The following FAM13A variants were observed in gnomAD, a reference collection of about 807,000 sequenced individuals.
FAM13A encodes family with sequence similarity 13 member A, also known as protein FAM13A.
In FAM13A, 76 loss-of-function variants were observed where a neutral mutation model predicts 129.6. The ratio of observed to expected loss-of-function variants is 0.59; its 90% CI spans 0.49 to 0.71. The LOEUF is 0.71. FAM13A is among the 30% of genes least tolerant of loss of function. The probability of loss-of-function intolerance (pLI) is 0.00; values close to 1 mark genes in which losing one functional copy is unlikely to be tolerated. For missense variants in FAM13A, 1,108 were observed against 1,249.3 expected, an observed-to-expected ratio of 0.89 and a Z score of 1.70; for synonymous variants, 443 against 449.9, an observed-to-expected ratio of 0.98 and a Z score of 0.20.
chr4:88,731,829 G>T, intron 22 of FAM13A, 173 bp downstream of exon 22: 1 of 573,706 alleles, frequency 1.7e-6, no homozygotes, highest in Non-Finnish European at 3.0e-6. Context: ...AAATAACATG[G>T]GCTGAAGCAT....
At chr4:89,032,162 G>A (rs572920287) in intron 1 of FAM13A, among the ~76,000 whole-genome samples, 8 of 152,144 alleles carry the variant, frequency 5.3e-5, no homozygotes, top group South Asian at 4.1e-4. Flanking sequence ...GGAGAATGGC[G>A]TGAACCTGGG....
chr4:88,848,210 A>G lies in FAM13A; in HGVS notation c.1007+2810T>C, dbSNP rs113666693. Among the ~76,000 whole-genome samples, 1,029 of 152,264 alleles carry G rather than the reference A, an allele frequency of 6.8e-3. 7 individuals are homozygous for G. The highest frequency in any genetic ancestry group is 0.024 in the African/African-American group (982 of 41,558). The stretch of plus-strand genomic sequence containing the variant: ...TTATGACCTTCTCTCTCCACCATGC[A>G]GAAGGTGTCCTGCCTAGCACTGTTT... On this transcript the variant is annotated intron_variant, in intron 7 of 23. Transcript: ENST00000264344.
At chr4:88,811,182 A>C (rs140618752) in intron 7 of FAM13A, among the ~76,000 whole-genome samples, 2 of 152,072 alleles carry the variant, frequency 1.3e-5, no homozygotes, top group African/African-American at 4.8e-5. Context: ...AGCAGAGAGA[A>C]AATGGGTCTG....
At chr4:88,930,685 C>A (rs1752894929) in intron 5 of FAM13A, among the ~76,000 whole-genome samples, 1 of 152,202 alleles carries the variant, frequency 6.6e-6, no homozygotes, top group East Asian at 1.9e-4. Flanking sequence ...GTGGCTTTCA[C>A]AGAAGCTAGT....
At chr4:88,910,320 G>A (rs933326591) in intron 5 of FAM13A, among the ~76,000 whole-genome samples, 1 of 152,058 alleles carries the variant, frequency 6.6e-6, no homozygotes, top group African/African-American at 2.4e-5. Flanking sequence ...GAGAACACCA[G>A]TTAAAAATAC....
intron 12 of FAM13A, 62 bp from the exon 13 acceptor site, chr4:88,767,657 A>C (rs1745945268): frequency 8.0e-7 from 1 of 1,246,212 alleles, no homozygotes; most frequent in African/African-American, 1.5e-5. Flanking sequence ...AACGTTTTTC[A>C]TCCACTGATA....
chr4:88,909,016 T>C (rs1232176920), intron 5 of FAM13A, among the ~76,000 whole-genome samples: 5 of 152,236 alleles, frequency 3.3e-5, no homozygotes, highest in African/African-American at 4.8e-5. Flanking sequence ...TTTTAAAATA[T>C]ATATTATGCA....
At chr4:88,826,834 C>T (rs1220990898) in intron 7 of FAM13A, among the ~76,000 whole-genome samples, 1 of 152,168 alleles carries the variant, frequency 6.6e-6, no homozygotes, top group African/African-American at 2.4e-5. Flanking sequence ...TCATTTTCTC[C>T]TTCCTCTGGA....
At position 88,915,938 on chromosome 4, in the gene FAM13A, G is replaced by C. The variant is rs183222968; in HGVS notation, c.760-9476C>G. 7.2e-5 allele frequency among the ~76,000 whole-genome samples: 11 copies of C among 152,156 alleles called. No individual in the cohort carries two copies. In the East Asian group the frequency reaches 2.1e-3, roughly 29 times the overall value. On this transcript the variant is annotated intron_variant, in intron 5 of 23. Coordinates refer to ENST00000264344, the MANE Select transcript of FAM13A (RefSeq NM_014883.4). The stretch of plus-strand genomic sequence containing the variant: ...GCTCCCCTTCCCCTTTCCACCATGA[G>C]TGGAAGCAGCCTGACGCCCTTGCCA...
chr4:88,767,996 T>TC lies in FAM13A; in HGVS notation c.1521dup (p.Met508AspfsTer3). 1 of 1,600,062 alleles carries TC rather than the reference T, an allele frequency of 6.2e-7. No homozygotes were observed. The highest frequency in any genetic ancestry group is 8.6e-7 in the Non-Finnish European group (1 of 1,167,506). ...TTCTAAAATTACCTTTCATCAGACA[T>TC]CCATTCAAAATCATCAGGTCCAGTT... is the stretch of plus-strand genomic sequence containing the variant. On this transcript the variant is annotated frameshift_variant, in exon 12 of 24. Coordinates refer to ENST00000264344, the MANE Select transcript of FAM13A (RefSeq NM_014883.4). LOFTEE classifies it high-confidence loss of function.
chr4:88,811,876 C>A (rs959575676), intron 7 of FAM13A, among the ~76,000 whole-genome samples: 7 of 152,120 alleles, frequency 4.6e-5, no homozygotes, highest in African/African-American at 1.7e-4. Flanking sequence ...AAACTTAATT[C>A]CCAATGAAAC....
At chr4:88,752,234 T>C (rs1462854602) in intron 14 of FAM13A, among the ~76,000 whole-genome samples, 2 of 152,152 alleles carry the variant, frequency 1.3e-5, no homozygotes, top group Non-Finnish European at 2.9e-5. Flanking sequence ...TTGAGAACGA[T>C]TGATCCAACC....
intron 1 of FAM13A, among the ~76,000 whole-genome samples, chr4:89,034,189 A>C (rs1428085672): frequency 6.6e-6 from 1 of 152,222 alleles, no homozygotes; most frequent in African/African-American, 2.4e-5. Context: ...GCATCCAAGA[A>C]AGGACTAATA....
intron 7 of FAM13A, among the ~76,000 whole-genome samples, chr4:88,838,231 G>T (rs1735166650): frequency 6.6e-6 from 1 of 152,110 alleles, no homozygotes. Flanking sequence ...TACCAAAAGG[G>T]CTTGAAACAA....
chr4:88,733,461 T>A (rs1393745987), intron 21 of FAM13A, among the ~76,000 whole-genome samples: 1 of 152,212 alleles, frequency 6.6e-6, no homozygotes, highest in African/African-American at 2.4e-5. Context: ...TTTAAATGAA[T>A]ACGTTTCTTT....
At chr4:89,037,158 G>A (rs915170269) in intron 1 of FAM13A, among the ~76,000 whole-genome samples, 1 of 152,206 alleles carries the variant, frequency 6.6e-6, no homozygotes, top group African/African-American at 2.4e-5. Context: ...CTTGCATCAT[G>A]TGCCTGGAAA....
At chr4:89,008,066 CGA>C (rs1357536101) in intron 3 of FAM13A, among the ~76,000 whole-genome samples, 1 of 69,696 alleles carries the variant, frequency 1.4e-5, no homozygotes, top group Non-Finnish European at 3.0e-5. Context: ...TAAGGATTTC[CGA>C]GATCTGTCGG....
chr4:88,749,079 G>A (rs756586052), intron 16 of FAM13A, 46 bp from the exon 17 acceptor site: 2 of 1,351,186 alleles, frequency 1.5e-6, no homozygotes, highest in South Asian at 2.3e-5. Context: ...CTGGAGCAGG[G>A]AAAGTAAGAA....
chr4:88,984,136 C>A (rs1357923523), intron 4 of FAM13A, among the ~76,000 whole-genome samples: 2 of 152,078 alleles, frequency 1.3e-5, no homozygotes, highest in Non-Finnish European at 2.9e-5. Context: ...ATACCATTCA[C>A]AAAAGTTAAC....
Sources: gnomAD v4.1 joint callset for allele counts (sites outside exome capture counted in the v4.1 genomes callset) on GRCh38, gnomAD v4.1.1 for gene constraint, MANE v1.5 for transcripts, NCBI Gene and HGNC (gene_info 2026-07-23, HGNC 2026-07-21) for gene names.